The following FAM184B variants were observed in gnomAD, a reference collection of about 807,000 sequenced individuals.
The protein encoded by FAM184B is protein FAM184B.
FAM184B carries 111 observed loss-of-function variants against 135.9 expected under a neutral mutation model. That is an observed-to-expected ratio of 0.82 (90% CI 0.70 to 0.96). The LOEUF (loss-of-function observed/expected upper bound fraction) is 0.96. Among genes scored for constraint, FAM184B ranks in the 40% least tolerant of loss-of-function variants. The probability of loss-of-function intolerance (pLI) is 0.00; values close to 1 mark genes in which losing one functional copy is unlikely to be tolerated. For missense variants in FAM184B, 1,375 were observed against 1,323.9 expected (o/e 1.04, Z -0.60); for synonymous variants, 552 against 524.8 (o/e 1.05, Z -0.71).
At chr4:17,669,409 A>G (rs1033762726) in intron 7 of FAM184B, among the ~76,000 whole-genome samples, 2 of 152,254 alleles carry the variant, frequency 1.3e-5, no homozygotes, top group African/African-American at 4.8e-5. Flanking sequence ...CATGGTGAAC[A>G]TGGAAGAAAA....
In FAM184B at chr4:17,632,450, T is replaced by TGGTG. The variant is rs1714980801; in HGVS notation, c.*78_*81dup. On this transcript the variant is annotated 3_prime_UTR_variant, in exon 18 of 18. Coordinates refer to ENST00000265018, the MANE Select transcript of FAM184B (RefSeq NM_015688.2). ...ATCATAAGCATATTATTTGGTTGGT[T>TGGTG]GGTGTTAGTTCATTCCTTCAATCGG... The TGGTG allele has an allele frequency of 1.2e-5, 14 of 1,163,514 alleles. No individual in the cohort carries two copies. The highest frequency in any genetic ancestry group is 1.5e-5 in the Non-Finnish European group (12 of 818,472). The allele number at this position is 1,163,514 out of a possible 1,614,324, so 72.1% of individuals were successfully genotyped here.
At chr4:17,723,376 A>G (rs529549582) in intron 1 of FAM184B, among the ~76,000 whole-genome samples, 8 of 152,324 alleles carry the variant, frequency 5.3e-5, no homozygotes, top group African/African-American at 1.9e-4. Flanking sequence ...CCAAACATCC[A>G]TTTATGATAC....
At chr4:17,638,854 C>G (rs1441337193) in intron 14 of FAM184B, among the ~76,000 whole-genome samples, 2 of 152,070 alleles carry the variant, frequency 1.3e-5, no homozygotes. Context: ...CACCCCGCCT[C>G]CTGCCCTGAA....
intron 1 of FAM184B, among the ~76,000 whole-genome samples, chr4:17,740,420 CACA>C (rs1718008304): frequency 6.6e-6 from 1 of 150,480 alleles, no homozygotes; most frequent in East Asian, 1.9e-4. Context: ...TGGTTCACAC[CACA>C]ACAACAATGT....
chr4:17,717,558 T>A (rs1018560566), intron 1 of FAM184B, among the ~76,000 whole-genome samples: 4 of 152,120 alleles, frequency 2.6e-5, no homozygotes, highest in Admixed American at 6.5e-5. Context: ...TCAAGGCACA[T>A]AAATAATTCA....
At chr4:17,748,598 C>G (rs1718229265) in intron 1 of FAM184B, among the ~76,000 whole-genome samples, 1 of 142,656 alleles carries the variant, frequency 7.0e-6, no homozygotes, top group Non-Finnish European at 1.5e-5. Flanking sequence ...CCCACTGTAG[C>G]CTTGACCTCT....
intron 1 of FAM184B, among the ~76,000 whole-genome samples, chr4:17,738,624 C>G (rs181954900): frequency 6.6e-6 from 1 of 152,056 alleles, no homozygotes; most frequent in East Asian, 1.9e-4. Context: ...CCAAATCTGT[C>G]TGACTGTAAA....
chr4:17,638,364 TG>T (rs1433109889), intron 14 of FAM184B, among the ~76,000 whole-genome samples: 1 of 151,376 alleles, frequency 6.6e-6, no homozygotes, highest in Admixed American at 6.6e-5. Context: ...ATTTTTTTTT[TG>T]TATTTTTTGT....
At chr4:17,761,293 G>A (rs1391407539) in intron 1 of FAM184B, among the ~76,000 whole-genome samples, 2 of 152,208 alleles carry the variant, frequency 1.3e-5, no homozygotes, top group East Asian at 3.9e-4. Context: ...GGCCATATGA[G>A]GACAAGGCCA....
chr4:17,651,399 G>A (rs1002160554), intron 11 of FAM184B, among the ~76,000 whole-genome samples: 16 of 151,858 alleles, frequency 1.1e-4, no homozygotes, highest in South Asian at 1.0e-3. Flanking sequence ...TTAGCCGGGC[G>A]TGGTGGCGGG....
At chr4:17,749,451 G>A (rs1718245739) in intron 1 of FAM184B, among the ~76,000 whole-genome samples, 2 of 151,526 alleles carry the variant, frequency 1.3e-5, no homozygotes, top group South Asian at 4.2e-4. Context: ...AGGATTCTAG[G>A]AAAAAATAAA....
chr4:17,720,543 A>G lies in FAM184B; in HGVS notation c.142-10899T>C, dbSNP rs758308596. Among the ~76,000 whole-genome samples the G allele has an allele frequency of 9.0e-4, 137 of 152,216 alleles. No individual in the cohort carries two copies. The Middle Eastern group carries it at 0.014, about 15-fold the overall frequency. ...GGAGCCCCTGTACATTGCTGGTGGG[A>G]ATGTAAAATGGTGTAGCCACTGTGG... On this transcript the variant is annotated intron_variant, in intron 1 of 17. Transcript: ENST00000265018.
intron 1 of FAM184B, among the ~76,000 whole-genome samples, chr4:17,730,873 A>G (rs961954953): frequency 4.6e-5 from 7 of 152,242 alleles, no homozygotes; most frequent in African/African-American, 1.4e-4. Context: ...TAGAATAACC[A>G]ACGCAGAGAA....
intron 1 of FAM184B, among the ~76,000 whole-genome samples, chr4:17,768,140 TTTTC>T (rs1301096559): frequency 6.6e-6 from 1 of 152,254 alleles, no homozygotes; most frequent in Non-Finnish European, 1.5e-5. Flanking sequence ...TACAGTTTCT[TTTTC>T]TTTTTTTCTG....
chr4:17,746,648 T>G (rs561174825), intron 1 of FAM184B, among the ~76,000 whole-genome samples: 1 of 148,848 alleles, frequency 6.7e-6, no homozygotes, highest in Non-Finnish European at 1.5e-5. Context: ...AGGAGAATGG[T>G]GTGGACTCGG....
chr4:17,661,769 G>C (rs1715927007), intron 8 of FAM184B, among the ~76,000 whole-genome samples: 1 of 152,178 alleles, frequency 6.6e-6, no homozygotes, highest in Admixed American at 6.5e-5. Context: ...AGCAGCCTCG[G>C]TCAAGAGTGA....
chr4:17,647,866 T>G, intron 11 of FAM184B, 75 bp from the exon 12 acceptor site: 327 of 1,398,972 alleles, frequency 2.3e-4, no homozygotes, highest in Non-Finnish European at 2.7e-4. Context: ...CAACAGTCTC[T>G]GGGGTGGGGT....
chr4:17,739,704 G>A (rs944104935), intron 1 of FAM184B, among the ~76,000 whole-genome samples: 5 of 151,624 alleles, frequency 3.3e-5, no homozygotes, highest in Admixed American at 1.3e-4. Flanking sequence ...ACAGGCACCC[G>A]CCATGATGTT....
rs747847450 is a variant in FAM184B, at chr4:17,720,715, G to A, written c.142-11071C>T. ...ATCCTGGCCAACATGGTGAAACCCCGTCTCTACTAAAAATGCAAAAATTAG... is the reference window on the plus strand; with the variant it reads ...ATCCTGGCCAACATGGTGAAACCCCATCTCTACTAAAAATGCAAAAATTAG... On this transcript the variant is annotated intron_variant, in intron 1 of 17. Coordinates refer to ENST00000265018, the MANE Select transcript of FAM184B (RefSeq NM_015688.2). 7.3e-5 allele frequency among the ~76,000 whole-genome samples: 11 copies of A among 151,156 alleles called. No individual in the cohort carries two copies. In the East Asian group the frequency reaches 1.4e-3, roughly 19 times the overall value.
Sources: allele counts gnomAD v4.1 joint callset (sites outside exome capture counted in the v4.1 genomes callset), GRCh38; gene constraint gnomAD v4.1.1; transcripts MANE v1.5; gene names NCBI Gene and HGNC (gene_info 2026-07-23, HGNC 2026-07-21).